PTGFRN: variants seen among roughly 807,000 people sequenced by gnomAD.
PTGFRN encodes prostaglandin F2 receptor inhibitor, also known as prostaglandin F2 receptor negative regulator.
PTGFRN carries 35 observed loss-of-function variants against 83.2 expected under a neutral mutation model. The observed-to-expected ratio is 0.42, with a 90% CI of 0.32 to 0.56. The LOEUF (loss-of-function observed/expected upper bound fraction) is 0.56. PTGFRN is among the 20% of genes least tolerant of loss of function. PTGFRN has a pLI of 0.11. For synonymous variants in PTGFRN, 519 were observed against 498.6 expected, an observed-to-expected ratio of 1.04 and a Z score of -0.55; for missense variants, 1,051 against 1,179.5, an observed-to-expected ratio of 0.89 and a Z score of 1.60.
intron 3 of PTGFRN, 67 bp downstream of exon 3, chr1:116,945,159 G>A (rs976890642): frequency 1.4e-5 from 21 of 1,521,222 alleles, no homozygotes; most frequent in Non-Finnish European, 1.8e-5. Context: ...ACAAAGAACC[G>A]GGCCAGGGAG....
At chr1:116,973,485 A>C (rs1651060410) in intron 6 of PTGFRN, among the ~76,000 whole-genome samples, 5 of 151,848 alleles carry the variant, frequency 3.3e-5, no homozygotes. Context: ...TGTGCCTGTA[A>C]TCCCAGCTAC....
At chr1:116,978,250 A>G (rs1373641629) in intron 7 of PTGFRN, among the ~76,000 whole-genome samples, 5 of 152,196 alleles carry the variant, frequency 3.3e-5, no homozygotes, top group Non-Finnish European at 7.3e-5. Flanking sequence ...CAACCAAAAA[A>G]AGTCCAGGAG....
intron 7 of PTGFRN, among the ~76,000 whole-genome samples, chr1:116,976,425 A>T (rs1015080835): frequency 2.6e-5 from 4 of 152,206 alleles, no homozygotes; most frequent in Non-Finnish European, 5.9e-5. Context: ...AAACTGTCAG[A>T]TTCACCAAAG....
intron 4 of PTGFRN, among the ~76,000 whole-genome samples, chr1:116,959,296 A>G (rs937570215): frequency 2.0e-5 from 3 of 152,160 alleles, no homozygotes; most frequent in Non-Finnish European, 4.4e-5. Flanking sequence ...ATTCCTCTCT[A>G]GCCCTGGCAG....
rs1236957610 is a variant in PTGFRN, at chr1:116,987,410, G to A, written c.*443G>A. 1 of 192,698 alleles carries A rather than the reference G, an allele frequency of 5.2e-6. No homozygotes were observed. 11.9% of individuals were successfully genotyped at this position (192,698 alleles called of 1,614,324 possible). A position where few individuals can be genotyped will look rare whatever the true frequency, so the allele number is the denominator to read the frequency against. On this transcript the variant is annotated 3_prime_UTR_variant, in exon 9 of 9. Transcript: ENST00000393203. ...CGCGTTGGAGGCACGTGTTCAGAGAGCTGCTGAGCGCCACCCTCTACCCGG... is the reference window on the plus strand; with the variant it reads ...CGCGTTGGAGGCACGTGTTCAGAGAACTGCTGAGCGCCACCCTCTACCCGG...
Position 116,910,113 on chromosome 1 carries a change from C to G in PTGFRN, c.-91C>G, listed in dbSNP as rs1399811849. 5 of 1,395,862 alleles carry G rather than the reference C, an allele frequency of 3.6e-6. No individual in the cohort carries two copies. Among genetic ancestry groups the G allele is most frequent in the South Asian group, 2.5e-5 (2 of 80,788 alleles). 86.5% of individuals were successfully genotyped at this position (1,395,862 alleles called of 1,614,324 possible). Reference sequence around the variant, plus strand: ...GCGCGCGGCCCAGGCGGAGGAGCGCCGACTCTGGAGCAGCCGGAGCTGGAA... The same window carrying G: ...GCGCGCGGCCCAGGCGGAGGAGCGCGGACTCTGGAGCAGCCGGAGCTGGAA... On this transcript the variant is annotated 5_prime_UTR_variant, in exon 1 of 9. Transcript: ENST00000393203.
intron 1 of PTGFRN, among the ~76,000 whole-genome samples, chr1:116,938,897 A>G (rs1172344567): frequency 1.3e-5 from 2 of 152,222 alleles, no homozygotes; most frequent in African/African-American, 4.8e-5. Flanking sequence ...GCCAAAACAA[A>G]GGGGCTACAG....
intron 3 of PTGFRN, among the ~76,000 whole-genome samples, chr1:116,945,834 A>G (rs868225707): frequency 4.6e-5 from 7 of 152,142 alleles, no homozygotes; most frequent in Non-Finnish European, 7.3e-5. Flanking sequence ...ATAAAAATAA[A>G]AGGAAAACAT....
chr1:116,943,916 C>G (rs1650118620), intron 2 of PTGFRN, among the ~76,000 whole-genome samples: 1 of 152,156 alleles, frequency 6.6e-6, no homozygotes, highest in Non-Finnish European at 1.5e-5. Flanking sequence ...AGATTTTTCC[C>G]TGCTGCTTGG....
chr1:116,939,274 C>G (rs1310959066), intron 1 of PTGFRN, among the ~76,000 whole-genome samples: 1 of 152,272 alleles, frequency 6.6e-6, no homozygotes, highest in Non-Finnish European at 1.5e-5. Context: ...CAGCGGTTCT[C>G]CATGAGAGCC....
intron 1 of PTGFRN, among the ~76,000 whole-genome samples, chr1:116,917,813 G>A (rs546976706): frequency 1.2e-4 from 18 of 152,170 alleles, no homozygotes; most frequent in African/African-American, 4.1e-4. Flanking sequence ...CCTAGAGGCA[G>A]GGTCTTGCTA....
At chr1:116,964,809 T>C (rs376213518) in intron 5 of PTGFRN, among the ~76,000 whole-genome samples, 2 of 152,348 alleles carry the variant, frequency 1.3e-5, no homozygotes, top group East Asian at 3.9e-4. Context: ...AAAACCTTCA[T>C]CCTTGACTGC....
At chr1:116,912,236 A>C (rs916538360) in intron 1 of PTGFRN, among the ~76,000 whole-genome samples, 2 of 152,146 alleles carry the variant, frequency 1.3e-5, no homozygotes, top group Non-Finnish European at 1.5e-5. Context: ...TTACACAGGG[A>C]ATTTCTGTGG....
At chr1:116,913,043 G>A (rs182373090) in intron 1 of PTGFRN, among the ~76,000 whole-genome samples, 22 of 152,296 alleles carry the variant, frequency 1.4e-4, no homozygotes, top group Admixed American at 1.4e-3. Context: ...TGGCCACTCT[G>A]TGTGCAACTG....
intron 2 of PTGFRN, among the ~76,000 whole-genome samples, chr1:116,944,203 C>G (rs1437420382): frequency 6.6e-6 from 1 of 152,194 alleles, no homozygotes; most frequent in Admixed American, 6.5e-5. Context: ...TCTGCGGGCT[C>G]CCTAGCCTAG....
intron 1 of PTGFRN, among the ~76,000 whole-genome samples, chr1:116,933,689 AT>A (rs908871208): frequency 6.6e-6 from 1 of 151,576 alleles, no homozygotes; most frequent in East Asian, 1.9e-4. Context: ...CTATTTGAGG[AT>A]TTTTTTTCTC....
At chr1:116,910,673 A>G (rs1346352548) in intron 1 of PTGFRN, among the ~76,000 whole-genome samples, 2 of 151,894 alleles carry the variant, frequency 1.3e-5, no homozygotes, top group South Asian at 2.1e-4. Context: ...ATGCCCCGCC[A>G]TAGCCGCCGC....
chr1:116,943,980 C>T (rs1650119843), intron 2 of PTGFRN, among the ~76,000 whole-genome samples: 1 of 152,094 alleles, frequency 6.6e-6, no homozygotes, highest in African/African-American at 2.4e-5. Context: ...CTGCTTTTTT[C>T]CTGAGTACAC....
intron 8 of PTGFRN, among the ~76,000 whole-genome samples, chr1:116,985,662 C>T (rs547821590): frequency 1.1e-4 from 16 of 151,104 alleles, no homozygotes; most frequent in African/African-American, 1.9e-4. Context: ...GAGCCGAGAT[C>T]GCACCATTGC....
Sources: gnomAD v4.1 joint callset for allele counts (sites outside exome capture counted in the v4.1 genomes callset) on GRCh38, gnomAD v4.1.1 for gene constraint, MANE v1.5 for transcripts, NCBI Gene and HGNC (gene_info 2026-07-23, HGNC 2026-07-21) for gene names.